The following MED9 variants were observed in gnomAD, a reference collection of about 807,000 sequenced individuals.
MED9 encodes mediator complex subunit 9, also known as mediator of RNA polymerase II transcription subunit 9.
MED9 carries 8 observed loss-of-function variants against 13.2 expected under a neutral mutation model. The ratio of observed to expected loss-of-function variants is 0.61; its 90% confidence interval spans 0.36 to 1.10. MED9 has a LOEUF of 1.10. MED9 is among the 50% of genes least tolerant of loss of function. MED9 has a pLI of 0.02. For missense variants in MED9, 180 were observed against 193.4 expected, an observed-to-expected ratio of 0.93 and a Z score of 0.41; for synonymous variants, 87 against 82.8, an observed-to-expected ratio of 1.05 and a Z score of -0.28.
chr17:17,482,754 T>C (rs1171663682), intron 1 of MED9, among the ~76,000 whole-genome samples: 2 of 152,216 alleles, frequency 1.3e-5, no homozygotes, highest in African/African-American at 4.8e-5. Context: ...ATTTTTTACT[T>C]GTAATTCTTT....
chr17:17,490,692 G>C (rs761734024), intron 1 of MED9, among the ~76,000 whole-genome samples: 17 of 152,188 alleles, frequency 1.1e-4, no homozygotes, highest in Non-Finnish European at 2.5e-4. Flanking sequence ...TTTATGAACA[G>C]CTCTGTGGAA....
At chr17:17,484,563 C>T (rs1402572409) in intron 1 of MED9, among the ~76,000 whole-genome samples, 1 of 152,278 alleles carries the variant, frequency 6.6e-6, no homozygotes, top group Non-Finnish European at 1.5e-5. Context: ...TAAGTGCCCA[C>T]ACTGGCTTCC....
chr17:17,480,662 G>C (rs1905017588), intron 1 of MED9, among the ~76,000 whole-genome samples: 1 of 152,012 alleles, frequency 6.6e-6, no homozygotes, highest in Non-Finnish European at 1.5e-5. Context: ...AAAGAAGAAA[G>C]AAAGAAAGAG....
chr17:17,477,065 C>A lies in MED9; in HGVS notation c.24C>A (p.Ala8=), dbSNP rs985617354. 1 of 1,606,798 alleles carries A rather than the reference C, an allele frequency of 6.2e-7. No homozygotes were observed. Among genetic ancestry groups the A allele is most frequent in the Non-Finnish European group, 8.5e-7 (1 of 1,179,696 alleles). Residue 8 remains alanine (A), a synonymous_variant, in exon 1 of 2, where the codon GCC becomes GCA. Coordinates refer to ENST00000268711, the MANE Select transcript of MED9 (RefSeq NM_018019.3). ...CCATGGCCTCTGCTGGGGTGGCAGC[C>A]GGGCGACAGGCGGAGGATGTATTGC... MASAGVA[A]GRQAEDVLPP... is the part of the protein sequence containing the mutation.
Position 17,483,493 on chromosome 17 carries a change from C to G in MED9, c.224+6228C>G, listed in dbSNP as rs902741016. On this transcript the variant is annotated intron_variant, in intron 1 of 1. Coordinates refer to ENST00000268711, the MANE Select transcript of MED9 (RefSeq NM_018019.3). This position sits in a 1 kb window ranked among gnomAD's most constrained non-coding sequence, Gnocchi z 4.2. ...CAGAGCCCTGTGAACCAGAGCCTCT[C>G]CTGTACCCCCAGGGACCCACCTGGT... Among the ~76,000 whole-genome samples, 1 of 152,246 alleles carries G rather than the reference C, an allele frequency of 6.6e-6. No individual in the cohort carries two copies. Among genetic ancestry groups the G allele is most frequent in the African/African-American group, 2.4e-5 (1 of 41,460 alleles).
intron 1 of MED9, among the ~76,000 whole-genome samples, chr17:17,488,825 C>CT (rs1272670327): frequency 1.0e-4 from 15 of 150,438 alleles, no homozygotes; most frequent in African/African-American, 3.7e-4. Flanking sequence ...GAGTAAAACT[C>CT]TGTCTCAAAA....
chr17:17,485,578 T>G (rs1905114023), intron 1 of MED9: 1 of 369,824 alleles, frequency 2.7e-6, no homozygotes, highest in Admixed American at 4.6e-5. Context: ...AGCCTGGGGG[T>G]CCTAGCGTGG....
chr17:17,478,983 A>G (rs1904979339), intron 1 of MED9, among the ~76,000 whole-genome samples: 1 of 152,238 alleles, frequency 6.6e-6, no homozygotes, highest in African/African-American at 2.4e-5. Flanking sequence ...GCTGGATTAT[A>G]AAGGGTTTAT....
In MED9 at chr17:17,483,851, C is replaced by A. The variant is rs7406713; in HGVS notation, c.224+6586C>A. On this transcript the variant is annotated intron_variant, in intron 1 of 1. Coordinates refer to ENST00000268711, the MANE Select transcript of MED9 (RefSeq NM_018019.3). The surrounding 1 kb of genome is among the most constrained non-coding windows in gnomAD (Gnocchi z 4.2). Reference sequence around the variant, plus strand: ...ACTAGGGAGGCTGAGGCAGGAGAATCGCTTGAACCCGGGAGGCGGAGGTTG... The same window carrying A: ...ACTAGGGAGGCTGAGGCAGGAGAATAGCTTGAACCCGGGAGGCGGAGGTTG... Among the ~76,000 whole-genome samples, 1 of 151,310 alleles carries A rather than the reference C, an allele frequency of 6.6e-6. No individual in the cohort carries two copies. Among genetic ancestry groups the A allele is most frequent in the East Asian group, 1.9e-4 (1 of 5,134 alleles).
rs924697447 is a variant in MED9 at position 17,492,738 on chromosome 17, T to C, written c.*1243T>C. 1.3e-5 allele frequency: 2 copies of C among 152,330 alleles called. No individual in the cohort carries two copies. The highest frequency in any genetic ancestry group is 1.3e-4 in the Admixed American group (2 of 15,286). 9.4% of individuals were successfully genotyped at this position (152,330 alleles called of 1,614,324 possible). On this transcript the variant is annotated 3_prime_UTR_variant, in exon 2 of 2. Coordinates refer to ENST00000268711, the MANE Select transcript of MED9 (RefSeq NM_018019.3). ...AACCTGCGCTGACCAGTTTAGGGGCTTAGCAGATGCCTGCCAGCTGACCTC... is the reference window on the plus strand; with the variant it reads ...AACCTGCGCTGACCAGTTTAGGGGCCTAGCAGATGCCTGCCAGCTGACCTC...
intron 1 of MED9, among the ~76,000 whole-genome samples, chr17:17,481,225 C>A (rs545608753): frequency 1.3e-5 from 2 of 152,164 alleles, no homozygotes; most frequent in Non-Finnish European, 2.9e-5. Flanking sequence ...ATGTCCGGTC[C>A]ACCCAGGTGG....
intron 1 of MED9, among the ~76,000 whole-genome samples, chr17:17,480,679 CAGAG>C (rs891784125): frequency 9.2e-5 from 14 of 151,558 alleles, no homozygotes; most frequent in Middle Eastern, 3.4e-3. Flanking sequence ...AGAGAGGAGA[CAGAG>C]AGAGAGAGGA....
At chr17:17,477,335 A>G (rs746956475) in intron 1 of MED9, 70 bp downstream of exon 1, 34 of 1,475,012 alleles carry the variant, frequency 2.3e-5, no homozygotes, top group Admixed American at 6.8e-5. Flanking sequence ...TCAGAGCTGC[A>G]AGAGGCCTTG....
chr17:17,480,356 AAGCCT>A, intron 1 of MED9, among the ~76,000 whole-genome samples: 1 of 152,340 alleles, frequency 6.6e-6, no homozygotes, highest in Admixed American at 6.5e-5. Context: ...GAAAAAAAAA[AAGCCT>A]AGTCAATTAA....
At chr17:17,481,826 A>G (rs1368158168) in intron 1 of MED9, among the ~76,000 whole-genome samples, 1 of 152,254 alleles carries the variant, frequency 6.6e-6, no homozygotes, top group African/African-American at 2.4e-5. Context: ...GCTGGGGCAT[A>G]GGGTACAAAC....
At chr17:17,484,390 G>C (rs150344180) in intron 1 of MED9, among the ~76,000 whole-genome samples, 1 of 152,238 alleles carries the variant, frequency 6.6e-6, no homozygotes, top group Non-Finnish European at 1.5e-5. Context: ...TGGCCTGGCC[G>C]CTTCAGCAGG....
Position 17,477,247 on chromosome 17 carries a change from T to C in MED9, c.206T>C (p.Val69Ala). 1 of 1,601,060 alleles carries C rather than the reference T, an allele frequency of 6.2e-7. No individual in the cohort carries two copies. The highest frequency in any genetic ancestry group is 8.5e-7 in the Non-Finnish European group (1 of 1,172,180). Residue 69 changes from valine (V) to alanine (A), a missense_variant, in exon 1 of 2, where the codon GTT becomes GCT. Coordinates refer to ENST00000268711, the MANE Select transcript of MED9 (RefSeq NM_018019.3). The part of the protein sequence containing the change: ...EEENYSFLPL[V>A]HNIIKCMDKD... ...GAGAACTACTCCTTTTTACCTTTGG[T>C]TCACAACATCATCAAATGGTAAGAA...
rs965083484 is a variant in MED9, at chr17:17,492,659, C to G, written c.*1164C>G. The G allele has an allele frequency of 6.6e-6, 1 of 152,170 alleles. No individual in the cohort carries two copies. The highest frequency in any genetic ancestry group is 2.1e-4 in the South Asian group (1 of 4,814). 9.4% of individuals were successfully genotyped at this position (152,170 alleles called of 1,614,324 possible). ...AAGAGCAGTTCTCTCCGTTGCCTCTCGAGGAGGAGGTGCGAAGTCCTGGAG... is the reference window on the plus strand; with the variant it reads ...AAGAGCAGTTCTCTCCGTTGCCTCTGGAGGAGGAGGTGCGAAGTCCTGGAG... On this transcript the variant is annotated 3_prime_UTR_variant, in exon 2 of 2. Coordinates refer to ENST00000268711, the MANE Select transcript of MED9 (RefSeq NM_018019.3).
At position 17,492,612 on chromosome 17, in the gene MED9, CCCTT is replaced by C. The variant is rs1905260643; in HGVS notation, c.*1118_*1121del. On this transcript the variant is annotated 3_prime_UTR_variant, in exon 2 of 2. Coordinates refer to ENST00000268711, the MANE Select transcript of MED9 (RefSeq NM_018019.3). ...ATGGGACGTTTTATTTGTGTGCTCT[CCCTT>C]GACTGTCAGATTGAAGTAAGAGCAG... The C allele has an allele frequency of 6.6e-6, 1 of 152,260 alleles. No individual in the cohort carries two copies. The highest frequency in any genetic ancestry group is 6.5e-5 in the Admixed American group (1 of 15,288). The allele number at this position is 152,260 out of a possible 1,614,324, so 9.4% of individuals were successfully genotyped here.
Sources: gnomAD v4.1 joint callset for allele counts (sites outside exome capture counted in the v4.1 genomes callset) on GRCh38, gnomAD v4.1.1 for gene constraint, Gnocchi (gnomAD v3.1) non-coding constraint, MANE v1.5 for transcripts, NCBI Gene and HGNC (gene_info 2026-07-23, HGNC 2026-07-21) for gene names.